The following ZNF521 variants were observed in gnomAD, a reference collection of about 807,000 sequenced individuals.
The protein encoded by ZNF521 is LYST-interacting protein 3.
In ZNF521, 14 loss-of-function variants were observed where a neutral mutation model predicts 105.5. That is an observed-to-expected ratio of 0.13 (90% CI 0.09 to 0.21). ZNF521 has a LOEUF of 0.21. Ranked by LOEUF, ZNF521 falls within the 10% of genes least tolerant of loss-of-function variation. The pLI is 1.00. For missense variants in ZNF521, 1,233 were observed against 1,629.7 expected, an observed-to-expected ratio of 0.76 and a Z score of 4.19; for synonymous variants, 635 against 606.0, an observed-to-expected ratio of 1.05 and a Z score of -0.70.
At chr18:25,079,580 CAA>C (rs1567952162) in intron 7 of ZNF521, among the ~76,000 whole-genome samples, 1 of 146,960 alleles carries the variant, frequency 6.8e-6, no homozygotes, top group Non-Finnish European at 1.5e-5. Context: ...ATACTAACAC[CAA>C]GAGATCTCAG....
intron 3 of ZNF521, among the ~76,000 whole-genome samples, chr18:25,312,451 C>T (rs58141195): frequency 6.6e-5 from 10 of 152,146 alleles, no homozygotes; most frequent in Non-Finnish European, 7.3e-5. Flanking sequence ...AGCTTGTATA[C>T]TAGGTAATGA....
At chr18:25,085,005 A>G (rs1299313547) in intron 7 of ZNF521, among the ~76,000 whole-genome samples, 1 of 152,174 alleles carries the variant, frequency 6.6e-6, no homozygotes, top group African/African-American at 2.4e-5. Flanking sequence ...TTTGAGGTCT[A>G]TTAGGAAAAC....
chr18:25,177,583 A>C (rs1380972846), intron 5 of ZNF521, among the ~76,000 whole-genome samples: 2 of 151,726 alleles, frequency 1.3e-5, no homozygotes, highest in African/African-American at 2.4e-5. Context: ...GAAGGCTGCT[A>C]TCTACATGCA....
intron 4 of ZNF521, among the ~76,000 whole-genome samples, chr18:25,197,678 T>C (rs951506039): frequency 1.7e-4 from 26 of 151,762 alleles, no homozygotes; most frequent in African/African-American, 6.0e-4. Context: ...TAGACCCAAA[T>C]CTGTTTTTCT....
At chr18:25,195,722 A>C (rs559392399) in intron 4 of ZNF521, among the ~76,000 whole-genome samples, 24 of 151,926 alleles carry the variant, frequency 1.6e-4, no homozygotes, top group African/African-American at 5.5e-4. Context: ...TAAAATATTT[A>C]GAGATATAAT....
At chr18:25,248,498 G>A (rs919795371) in intron 3 of ZNF521, among the ~76,000 whole-genome samples, 7 of 152,234 alleles carry the variant, frequency 4.6e-5, no homozygotes, top group Middle Eastern at 3.4e-3. Context: ...TGACATTTAG[G>A]CAAAGATAAC....
In ZNF521 at chr18:25,337,365, A is replaced by G. The variant is rs539621675; in HGVS notation, c.40+13542T>C. 1.6e-4 allele frequency among the ~76,000 whole-genome samples: 24 copies of G among 152,358 alleles called. 1 individual carries two copies. Among genetic ancestry groups the G allele is most frequent in the Admixed American group, 1.4e-3 (21 of 15,310 alleles). Reference sequence around the variant, plus strand: ...AGAAAAAACTACCACCCACAGAGTCAAAAGGCAAACTGGGGAAAATATTTG... The same window carrying G: ...AGAAAAAACTACCACCCACAGAGTCGAAAGGCAAACTGGGGAAAATATTTG... On this transcript the variant is annotated intron_variant, in intron 2 of 7. Coordinates refer to ENST00000361524, the MANE Select transcript of ZNF521 (RefSeq NM_015461.3).
intron 2 of ZNF521, 100 bp downstream of exon 2, chr18:25,350,805 ACT>A: frequency 1.5e-6 from 2 of 1,334,986 alleles, no homozygotes; most frequent in South Asian, 1.3e-5. Context: ...TCACACTCAC[ACT>A]CACGCGCGCA....
intron 5 of ZNF521, among the ~76,000 whole-genome samples, chr18:25,129,464 G>T (rs2034600719): frequency 6.6e-6 from 1 of 151,814 alleles, no homozygotes; most frequent in Non-Finnish European, 1.5e-5. Flanking sequence ...CATGATCCAT[G>T]AAAGAAAATT....
chr18:25,073,325 G>A (rs983164695), intron 7 of ZNF521, among the ~76,000 whole-genome samples: 1 of 152,042 alleles, frequency 6.6e-6, no homozygotes. Flanking sequence ...TTTGAATCCC[G>A]GAAGGTTTTT....
intron 5 of ZNF521, among the ~76,000 whole-genome samples, chr18:25,113,761 GACACACACACACACAC>G (rs10667710): frequency 9.8e-6 from 1 of 101,690 alleles, no homozygotes; most frequent in Non-Finnish European, 2.0e-5. Context: ...AGGACGGACG[GACACACACACACACAC>G]ACACACACAC....
At chr18:25,069,837 C>T (rs970019243) in intron 7 of ZNF521, among the ~76,000 whole-genome samples, 1 of 152,172 alleles carries the variant, frequency 6.6e-6, no homozygotes, top group African/African-American at 2.4e-5. Flanking sequence ...TATGACACAG[C>T]AATGGCATTT....
chr18:25,331,688 A>T (rs1913574752), intron 2 of ZNF521, among the ~76,000 whole-genome samples: 1 of 152,176 alleles, frequency 6.6e-6, no homozygotes, highest in African/African-American at 2.4e-5. Flanking sequence ...TCTGAATTGG[A>T]CACCTAAAGT....
intron 3 of ZNF521, among the ~76,000 whole-genome samples, chr18:25,238,027 G>T (rs1286139562): frequency 2.0e-5 from 3 of 152,170 alleles, no homozygotes; most frequent in Admixed American, 1.3e-4. Context: ...TGAGTAACAT[G>T]TTATAATCTT....
intron 5 of ZNF521, among the ~76,000 whole-genome samples, chr18:25,170,558 T>C (rs1446768625): frequency 6.6e-6 from 1 of 152,182 alleles, no homozygotes; most frequent in African/African-American, 2.4e-5. Flanking sequence ...AGTCTGTTGG[T>C]ACACACTATC....
intron 3 of ZNF521, among the ~76,000 whole-genome samples, chr18:25,265,317 G>C (rs1414844198): frequency 6.6e-6 from 1 of 152,178 alleles, no homozygotes; most frequent in Non-Finnish European, 1.5e-5. Flanking sequence ...AGGATAATTA[G>C]ATCTTTACCT....
chr18:25,224,483 A>C lies in ZNF521; in HGVS notation c.3435T>G (p.Val1145=). The change falls in exon 4 of 8, where the codon GTT becomes GTG. Residue 1145 remains valine (V), a synonymous_variant. Coordinates refer to ENST00000361524, the MANE Select transcript of ZNF521 (RefSeq NM_015461.3). ...GGAGTTCACTTTCAGACTCAAACTT[A>C]ACGTTGCAGCTAGAGCAGCGTGTCT... The part of the protein sequence containing the change: ...GLKTRCSSCN[V]KFESESELQN... 1 of 1,613,988 alleles carries C rather than the reference A, an allele frequency of 6.2e-7. No individual in the cohort carries two copies. Among genetic ancestry groups the C allele is most frequent in the South Asian group, 1.1e-5 (1 of 91,064 alleles).
chr18:25,255,905 GATGA>G (rs1308995731), intron 3 of ZNF521, among the ~76,000 whole-genome samples: 2 of 150,754 alleles, frequency 1.3e-5, no homozygotes, highest in Non-Finnish European at 3.0e-5. Context: ...CATGAATGAT[GATGA>G]ATGAATGGAT....
At chr18:25,149,491 G>A (rs1307962607) in intron 5 of ZNF521, among the ~76,000 whole-genome samples, 4 of 152,090 alleles carry the variant, frequency 2.6e-5, no homozygotes, top group African/African-American at 7.2e-5. Context: ...ATTAAAGGAA[G>A]CCCATATTTT....
Sources: gnomAD v4.1 joint callset for allele counts (sites outside exome capture counted in the v4.1 genomes callset) on GRCh38, gnomAD v4.1.1 for gene constraint, MANE v1.5 for transcripts, NCBI Gene and HGNC (gene_info 2026-07-23, HGNC 2026-07-21) for gene names.